Variants in PRKAG2 observed in about 807,000 individuals in gnomAD.
PRKAG2 encodes protein kinase AMP-activated non-catalytic subunit gamma 2.
PRKAG2 carries 26 observed loss-of-function variants against 69.6 expected under a neutral mutation model. That is an observed-to-expected ratio of 0.37 (90% confidence interval 0.27 to 0.52). PRKAG2 has a LOEUF of 0.52. Among genes scored for constraint, PRKAG2 ranks in the 20% least tolerant of loss-of-function variants. The probability of loss-of-function intolerance (pLI) is 0.90; values close to 1 mark genes in which losing one functional copy is unlikely to be tolerated. For synonymous variants in PRKAG2, 293 were observed against 285.0 expected, an observed-to-expected ratio of 1.03 and a Z score of -0.28; for missense variants, 557 against 740.0, an observed-to-expected ratio of 0.75 and a Z score of 2.87.
intron 15 of PRKAG2, chr7:151,559,721 C>A (rs1804494132): frequency 4.1e-6 from 4 of 985,240 alleles, no homozygotes; most frequent in Admixed American, 6.2e-5. Flanking sequence ...AGCACACACA[C>A]CGTTTAATAT....
intron 2 of PRKAG2, among the ~76,000 whole-genome samples, chr7:151,784,908 G>C (rs1360433981): frequency 2.0e-5 from 3 of 152,226 alleles, no homozygotes; most frequent in Non-Finnish European, 1.5e-5. Context: ...AACCTTGGGG[G>C]CCAGATCACA....
chr7:151,615,092 G>A (rs923905162), intron 5 of PRKAG2, among the ~76,000 whole-genome samples: 7 of 152,192 alleles, frequency 4.6e-5, no homozygotes, highest in African/African-American at 4.8e-5. Flanking sequence ...CCCCCAGAGA[G>A]GAGCTGTGCA....
rs780770792 is a variant in PRKAG2, at chr7:151,568,707, A to G, written c.1233+9T>C. On this transcript the variant is annotated intron_variant, in intron 11 of 15. Transcript: ENST00000287878. Reference sequence around the variant, plus strand: ...AATTATGTCTTTAGAAACGCTAAAAACTACTTACAAAAAGCTGGAGGAACT... The same window carrying G: ...AATTATGTCTTTAGAAACGCTAAAAGCTACTTACAAAAAGCTGGAGGAACT... 49 of 1,613,358 alleles carry G rather than the reference A, an allele frequency of 3.0e-5. No homozygotes were observed. The East Asian group carries it at 9.6e-4, about 32-fold the overall frequency.
intron 1 of PRKAG2, among the ~76,000 whole-genome samples, chr7:151,817,719 C>G (rs1351300452): frequency 6.6e-6 from 1 of 152,222 alleles, no homozygotes; most frequent in Non-Finnish European, 1.5e-5. Flanking sequence ...TACATATCCT[C>G]TCTCAACCTG....
intron 5 of PRKAG2, among the ~76,000 whole-genome samples, chr7:151,618,958 C>T (rs1423517021): frequency 6.6e-6 from 1 of 151,846 alleles, no homozygotes; most frequent in African/African-American, 2.4e-5. Flanking sequence ...CAAATGTGTA[C>T]ACGGGCGAGA....
In PRKAG2 at chr7:151,776,464, G is replaced by A. The variant is rs150711558; in HGVS notation, c.466+4688C>T. Among the ~76,000 whole-genome samples, 235 of 152,330 alleles carry A rather than the reference G, an allele frequency of 1.5e-3. 1 individual carries two copies. The highest frequency in any genetic ancestry group is 6.3e-3 in the Admixed American group (96 of 15,310). On this transcript the variant is annotated intron_variant, in intron 3 of 15. Transcript: ENST00000287878. ...AAATACTCAACAGAAAAAGGCAGCC[G>A]AAAGGAGCCAGGAGTCAGGCCTGTC...
intron 3 of PRKAG2, among the ~76,000 whole-genome samples, chr7:151,760,884 C>T (rs758465465): frequency 1.8e-4 from 28 of 152,154 alleles, no homozygotes; most frequent in Non-Finnish European, 3.2e-4. Context: ...GTCCATAGCT[C>T]CCCTGGGGCA....
chr7:151,840,633 AG>A (rs2079254189), intron 1 of PRKAG2, among the ~76,000 whole-genome samples: 1 of 152,208 alleles, frequency 6.6e-6, no homozygotes, highest in Non-Finnish European at 1.5e-5. Flanking sequence ...GAGCAAGAGT[AG>A]GAATGGGAGG....
At chr7:151,723,561 G>A (rs537783087) in intron 3 of PRKAG2, among the ~76,000 whole-genome samples, 71 of 152,192 alleles carry the variant, frequency 4.7e-4, no homozygotes, top group Non-Finnish European at 8.4e-4. Flanking sequence ...TGCTTTCGCC[G>A]ATGGGCCGCA....
Position 151,814,490 on chromosome 7 carries a change from G to T in PRKAG2, c.115-27949C>A, listed in dbSNP as rs2078578804. The stretch of plus-strand genomic sequence containing the variant: ...GTGCAGGCTTGTAAGCTGCTGGATG[G>T]CAGGATGCGAGTGACGGGGACGGGC... On this transcript the variant is annotated intron_variant, in intron 1 of 15. Coordinates refer to ENST00000287878, the MANE Select transcript of PRKAG2 (RefSeq NM_016203.4). The surrounding 1 kb of genome is among the most constrained non-coding windows in gnomAD (Gnocchi z 4.8). 3.6e-5 allele frequency: 44 copies of T among 1,230,580 alleles called. No homozygotes were observed. The highest frequency in any genetic ancestry group is 4.4e-5 in the Non-Finnish European group (43 of 987,850). 76.2% of individuals were successfully genotyped at this position (1,230,580 alleles called of 1,614,324 possible).
At chr7:151,708,176 C>T (rs1488471766) in intron 3 of PRKAG2, among the ~76,000 whole-genome samples, 4 of 152,230 alleles carry the variant, frequency 2.6e-5, no homozygotes, top group Non-Finnish European at 1.5e-5. Flanking sequence ...TCCAAACCTC[C>T]AATTGCTTCT....
At chr7:151,790,064 C>T (rs2077202314) in intron 1 of PRKAG2, among the ~76,000 whole-genome samples, 1 of 152,152 alleles carries the variant, frequency 6.6e-6, no homozygotes. Context: ...CTACCATCCA[C>T]CCCTCCTGTG....
rs1338507407 is a variant in PRKAG2 at position 151,632,561 on chromosome 7, C to T, written c.685-423G>A. The T allele has an allele frequency of 2.6e-5, 26 of 984,482 alleles. No homozygotes were observed. Among genetic ancestry groups the T allele is most frequent in the Non-Finnish European group, 3.1e-5 (26 of 829,484 alleles). The allele number at this position is 984,482 out of a possible 1,614,324, so 61.0% of individuals were successfully genotyped here. A position where few individuals can be genotyped will look rare whatever the true frequency, so the allele number is the denominator to read the frequency against. ...GGCCCGCCCCCACTCCGCCCCCCGG[C>T]GCCGCTCACCTTCCCAGCACCGGCG... On this transcript the variant is annotated intron_variant, in intron 4 of 15. Transcript: ENST00000287878. This position sits in a 1 kb window ranked among gnomAD's most constrained non-coding sequence, Gnocchi z 4.2.
intron 1 of PRKAG2, among the ~76,000 whole-genome samples, chr7:151,816,688 T>G (rs1342958261): frequency 1.3e-5 from 2 of 152,244 alleles, no homozygotes; most frequent in Non-Finnish European, 2.9e-5. Context: ...TCCTGCAGCC[T>G]GCAGCCAGCC....
chr7:151,840,531 G>A (rs1438199514), intron 1 of PRKAG2, among the ~76,000 whole-genome samples: 2 of 152,010 alleles, frequency 1.3e-5, no homozygotes, highest in South Asian at 2.1e-4. Context: ...CACCTGTCCC[G>A]AGGCCCCAAC....
At chr7:151,745,085 C>G (rs2074189920) in intron 3 of PRKAG2, among the ~76,000 whole-genome samples, 1 of 152,148 alleles carries the variant, frequency 6.6e-6, no homozygotes. Flanking sequence ...CATCAAGAGC[C>G]AGGCTGCCTC....
chr7:151,822,070 T>C (rs2078798350), intron 1 of PRKAG2, among the ~76,000 whole-genome samples: 1 of 152,184 alleles, frequency 6.6e-6, no homozygotes, highest in Non-Finnish European at 1.5e-5. Flanking sequence ...TTTAAAGACC[T>C]CACCCCATGA....
At chr7:151,668,230 G>A (rs957923537) in intron 4 of PRKAG2, among the ~76,000 whole-genome samples, 1 of 152,230 alleles carries the variant, frequency 6.6e-6, no homozygotes, top group African/African-American at 2.4e-5. Context: ...CTTTGCACAT[G>A]TCTGCTCCCT....
intron 3 of PRKAG2, among the ~76,000 whole-genome samples, chr7:151,694,951 T>C (rs1260203422): frequency 6.6e-6 from 1 of 152,238 alleles, no homozygotes; most frequent in Non-Finnish European, 1.5e-5. Flanking sequence ...CCTGTGCCCA[T>C]GCCTGTCCCT....
Sources: allele counts gnomAD v4.1 joint callset (sites outside exome capture counted in the v4.1 genomes callset), GRCh38; gene constraint gnomAD v4.1.1; non-coding constraint Gnocchi (gnomAD v3.1); transcripts MANE v1.5; gene names NCBI Gene and HGNC (gene_info 2026-07-23, HGNC 2026-07-21).